SLC35A3: variants seen among roughly 807,000 people sequenced by gnomAD.
SLC35A3 encodes UDP-N-acetylglucosamine transporter.
Under a neutral mutation model 39.0 loss-of-function variants are expected in SLC35A3, and 26 were observed. The ratio of observed to expected loss-of-function variants is 0.67; its 90% CI spans 0.49 to 0.92. SLC35A3 has a LOEUF of 0.92. Among genes scored for constraint, SLC35A3 ranks in the 40% least tolerant of loss-of-function variants. SLC35A3 has a pLI of 0.00. For missense variants in SLC35A3, 299 were observed against 371.6 expected, an observed-to-expected ratio of 0.80 and a Z score of 1.61; for synonymous variants, 135 against 133.1, an observed-to-expected ratio of 1.01 and a Z score of -0.10.
At chr1:99,977,411 G>A (rs1557819030) in intron 1 of SLC35A3, among the ~76,000 whole-genome samples, 1 of 151,200 alleles carries the variant, frequency 6.6e-6, no homozygotes, top group East Asian at 1.9e-4. Flanking sequence ...GCAGGTGCCT[G>A]TAATCTCAGC....
Position 100,022,497 on chromosome 1 carries a change from G to A in SLC35A3, c.*21G>A. On this transcript the variant is annotated 3_prime_UTR_variant, in exon 8 of 8. Coordinates refer to ENST00000533028, the MANE Select transcript of SLC35A3 (RefSeq NM_012243.3). ...CATAGTTGTATACTATCTTTAACTG[G>A]TTTTTCACGATGGGGCACTAGGAAT... is the stretch of plus-strand genomic sequence containing the variant. 7.6e-7 allele frequency: 1 copy of A among 1,317,920 alleles called. No homozygotes were observed. Among genetic ancestry groups the A allele is most frequent in the Non-Finnish European group, 1.1e-6 (1 of 923,518 alleles). The allele number at this position is 1,317,920 out of a possible 1,614,324, so 81.6% of individuals were successfully genotyped here.
intron 7 of SLC35A3, 101 bp downstream of exon 7, chr1:100,017,916 T>G: frequency 1.7e-6 from 1 of 599,512 alleles, no homozygotes; most frequent in Non-Finnish European, 2.8e-6. Context: ...CACTGAAATA[T>G]AATTTTAAAA....
chr1:99,971,036 T>C (rs1185267051), intron 1 of SLC35A3, among the ~76,000 whole-genome samples: 1 of 152,190 alleles, frequency 6.6e-6, no homozygotes, highest in Non-Finnish European at 1.5e-5. Flanking sequence ...TCTTCTTACT[T>C]GCACTATAGC....
intron 1 of SLC35A3, among the ~76,000 whole-genome samples, chr1:99,971,431 T>C (rs1478454737): frequency 4.6e-5 from 7 of 151,936 alleles, no homozygotes; most frequent in Non-Finnish European, 1.0e-4. Context: ...CTCAGCCTCC[T>C]GAGTAGCTGG....
chr1:100,008,198 T>C (rs1041706594), intron 4 of SLC35A3: 1 of 151,888 alleles, frequency 6.6e-6, no homozygotes, highest in Non-Finnish European at 1.5e-5. Flanking sequence ...TGATCCACCC[T>C]CCTCAGCCTC....
intron 4 of SLC35A3, among the ~76,000 whole-genome samples, chr1:100,010,084 C>T (rs971749623): frequency 3.9e-5 from 6 of 152,102 alleles, no homozygotes; most frequent in East Asian, 1.9e-4. Context: ...GTTCCTTGGT[C>T]GCACTACCCA....
chr1:99,988,802 G>A (rs1657906071), intron 1 of SLC35A3, among the ~76,000 whole-genome samples: 1 of 149,782 alleles, frequency 6.7e-6, no homozygotes, highest in Admixed American at 6.7e-5. Context: ...GTCTTGCTCT[G>A]TTGCCCAGGC....
Position 100,025,291 on chromosome 1 carries a change from T to C in SLC35A3, c.*2815T>C, listed in dbSNP as rs536752680. 6.6e-6 allele frequency: 1 copy of C among 152,392 alleles called. No homozygotes were observed. The highest frequency in any genetic ancestry group is 2.1e-4 in the South Asian group (1 of 4,834). The allele number at this position is 152,392 out of a possible 1,614,324, so 9.4% of individuals were successfully genotyped here. A position where few individuals can be genotyped will look rare whatever the true frequency, so the allele number is the denominator to read the frequency against. On this transcript the variant is annotated 3_prime_UTR_variant, in exon 8 of 8. Coordinates refer to ENST00000533028, the MANE Select transcript of SLC35A3 (RefSeq NM_012243.3). Reference sequence around the variant, plus strand: ...CATTGAAGTATTGGTTGGTTACTTATGTATTAATGCAGTGTGCATTCACAT... The same window carrying C: ...CATTGAAGTATTGGTTGGTTACTTACGTATTAATGCAGTGTGCATTCACAT...
At chr1:100,002,874 A>C (rs1183320742) in intron 3 of SLC35A3, among the ~76,000 whole-genome samples, 2 of 150,918 alleles carry the variant, frequency 1.3e-5, no homozygotes, top group Admixed American at 6.6e-5. Flanking sequence ...CTGGCCTCCC[A>C]AGGTGCTGGG....
intron 1 of SLC35A3, among the ~76,000 whole-genome samples, chr1:99,985,082 T>C (rs1657671942): frequency 6.6e-6 from 1 of 152,154 alleles, no homozygotes; most frequent in Non-Finnish European, 1.5e-5. Flanking sequence ...AGAAACATTT[T>C]AGTCATCTAT....
chr1:99,978,601 G>T lies in SLC35A3; in HGVS notation c.-19+8439G>T, dbSNP rs184347512. ...TTGATGTTTTCTAAACTAAGTGGTA[G>T]TAGAAGAATTGCTTTGTAACACTGG... On this transcript the variant is annotated intron_variant, in intron 1 of 7. Transcript: ENST00000533028. Among the ~76,000 whole-genome samples the T allele has an allele frequency of 6.2e-4, 94 of 152,304 alleles. 1 individual carries two copies. Among genetic ancestry groups the T allele is most frequent in the African/African-American group, 2.2e-3 (92 of 41,568 alleles).
rs942347058 is a variant in SLC35A3 at position 100,030,370 on chromosome 1, T to C, written c.*7894T>C. ...ATCACTGAAAATTCACGTTAAAATA[T>C]ACTTTAAGCTTGTCCAACGCGCGGC... On this transcript the variant is annotated 3_prime_UTR_variant, in exon 8 of 8. Transcript: ENST00000533028. 1.2e-4 allele frequency: 18 copies of C among 152,252 alleles called. No individual in the cohort carries two copies. Among genetic ancestry groups the C allele is most frequent in the African/African-American group, 4.3e-4 (18 of 41,468 alleles). 9.4% of individuals were successfully genotyped at this position (152,252 alleles called of 1,614,324 possible).
At chr1:99,987,039 G>T (rs1211939701) in intron 1 of SLC35A3, among the ~76,000 whole-genome samples, 1 of 152,220 alleles carries the variant, frequency 6.6e-6, no homozygotes, top group African/African-American at 2.4e-5. Flanking sequence ...CCAAATGTAA[G>T]TTGCTGGAAA....
chr1:100,009,084 A>T (rs950254183), intron 4 of SLC35A3: 2 of 152,238 alleles, frequency 1.3e-5, no homozygotes, highest in Non-Finnish European at 2.9e-5. Context: ...CATACTGAGT[A>T]CTTATGTGCC....
At chr1:100,008,240 T>C (rs1486722399) in intron 4 of SLC35A3, 1 of 152,194 alleles carries the variant, frequency 6.6e-6, no homozygotes, top group African/African-American at 2.4e-5. Context: ...CGCGAGCCAC[T>C]GTACCCAGCC....
At position 100,011,517 on chromosome 1, in the gene SLC35A3, A is replaced by G; in HGVS notation, c.618A>G (p.Ile206Met). ...AAGAAACAAAACAATCAGTGTGGAT[A>G]AGAAATATTCAGCTTGGTAAGTTTT... ...ILKETKQSVWIRNIQLGFFGS... is the reference protein window; with the variant it reads ...ILKETKQSVWMRNIQLGFFGS... The change falls in exon 5 of 8, where the codon ATA becomes ATG. Residue 206 changes from isoleucine to methionine, a missense_variant. Ile to Met is a conservative substitution (Grantham distance 10). Transcript: ENST00000533028. The G allele has an allele frequency of 6.8e-7, 1 of 1,462,776 alleles. No individual in the cohort carries two copies. Among genetic ancestry groups the G allele is most frequent in the Non-Finnish European group, 9.3e-7 (1 of 1,075,632 alleles). 90.6% of individuals were successfully genotyped at this position (1,462,776 alleles called of 1,614,324 possible). A position where few individuals can be genotyped will look rare whatever the true frequency, so the allele number is the denominator to read the frequency against.
At chr1:100,016,616 G>A (rs1053688034) in intron 6 of SLC35A3, among the ~76,000 whole-genome samples, 277 of 142,362 alleles carry the variant, frequency 1.9e-3, no homozygotes, top group African/African-American at 6.6e-3. Flanking sequence ...CTTGTGATCC[G>A]CCCACCTCGG....
chr1:100,034,876 T>C lies in SLC35A3; in HGVS notation c.*12400T>C, dbSNP rs1295967644. 1 of 152,218 alleles carries C rather than the reference T, an allele frequency of 6.6e-6. No individual in the cohort carries two copies. The highest frequency in any genetic ancestry group is 1.5e-5 in the Non-Finnish European group (1 of 68,040). The allele number at this position is 152,218 out of a possible 1,614,324, so 9.4% of individuals were successfully genotyped here. ...CATGAACTTTCCAAACATTGGTTTC[T>C]GCTTGTTTCTAAGCCTGATTCTTGG... On this transcript the variant is annotated 3_prime_UTR_variant, in exon 8 of 8. Transcript: ENST00000533028.
At chr1:99,975,469 T>C (rs766254272) in intron 1 of SLC35A3, among the ~76,000 whole-genome samples, 2 of 152,174 alleles carry the variant, frequency 1.3e-5, no homozygotes, top group African/African-American at 2.4e-5. Context: ...TTATAAAAGG[T>C]ATATACAAAA....
Sources: gnomAD v4.1 joint callset for allele counts (sites outside exome capture counted in the v4.1 genomes callset) on GRCh38, gnomAD v4.1.1 for gene constraint, MANE v1.5 for transcripts, NCBI Gene and HGNC (gene_info 2026-07-23, HGNC 2026-07-21) for gene names.